GPR158: variants seen among roughly 807,000 people sequenced by gnomAD.
GPR158 encodes the protein G protein-coupled receptor 158.
In GPR158, 30 loss-of-function variants were observed where a neutral mutation model predicts 78.2. The observed-to-expected ratio is 0.38, with a 90% CI of 0.29 to 0.52. The LOEUF is 0.52. Ranked by LOEUF, GPR158 falls within the 20% of genes least tolerant of loss-of-function variation. The pLI, the probability that GPR158 is intolerant of heterozygous loss-of-function variation, is 0.83. For synonymous variants in GPR158, 581 were observed against 591.1 expected, an observed-to-expected ratio of 0.98 and a Z score of 0.25; for missense variants, 1,463 against 1,523.5, an observed-to-expected ratio of 0.96 and a Z score of 0.66.
At chr10:25,566,322 T>G (rs1406340632) in intron 6 of GPR158, among the ~76,000 whole-genome samples, 1 of 152,172 alleles carries the variant, frequency 6.6e-6, no homozygotes, top group Non-Finnish European at 1.5e-5. Flanking sequence ...GTGTTAGGAA[T>G]ATTTTAAGCA....
At chr10:25,272,485 C>T (rs1226224240) in intron 2 of GPR158, among the ~76,000 whole-genome samples, 2 of 152,106 alleles carry the variant, frequency 1.3e-5, no homozygotes, top group African/African-American at 2.4e-5. Context: ...TTTTTCTTTA[C>T]CTTTTCACAA....
At chr10:25,506,408 G>A (rs1223872180) in intron 5 of GPR158, among the ~76,000 whole-genome samples, 2 of 152,212 alleles carry the variant, frequency 1.3e-5, no homozygotes, top group African/African-American at 4.8e-5. Flanking sequence ...GTATCCATTG[G>A]TATAGTCCTA....
At chr10:25,504,090 C>CA (rs1163455434) in intron 5 of GPR158, among the ~76,000 whole-genome samples, 1 of 152,022 alleles carries the variant, frequency 6.6e-6, no homozygotes, top group Non-Finnish European at 1.5e-5. Flanking sequence ...AGGGTTTCGC[C>CA]ATATCAGCCA....
chr10:25,522,787 G>A (rs543590074), intron 5 of GPR158, among the ~76,000 whole-genome samples: 1 of 152,188 alleles, frequency 6.6e-6, no homozygotes, highest in East Asian at 1.9e-4. Flanking sequence ...GAAGACATGG[G>A]ACTGTGAAGG....
intron 5 of GPR158, among the ~76,000 whole-genome samples, chr10:25,481,268 C>T (rs956072240): frequency 6.6e-6 from 1 of 152,104 alleles, no homozygotes; most frequent in Non-Finnish European, 1.5e-5. Flanking sequence ...TTAAAGCAAG[C>T]AGGCATGCAT....
intron 5 of GPR158, among the ~76,000 whole-genome samples, chr10:25,521,319 C>G (rs560089429): frequency 2.0e-5 from 3 of 152,292 alleles, no homozygotes; most frequent in African/African-American, 4.8e-5. Flanking sequence ...AGAAATCACC[C>G]GTCTTCTGCG....
intron 6 of GPR158, among the ~76,000 whole-genome samples, chr10:25,553,556 A>G (rs1836752112): frequency 1.3e-5 from 2 of 152,190 alleles, no homozygotes; most frequent in South Asian, 4.1e-4. Context: ...AGAAATGTGA[A>G]CAACCTGAAG....
At chr10:25,284,833 A>C (rs1372247136) in intron 2 of GPR158, among the ~76,000 whole-genome samples, 1 of 152,072 alleles carries the variant, frequency 6.6e-6, no homozygotes, top group Non-Finnish European at 1.5e-5. Flanking sequence ...ATTTACTCAA[A>C]GTCTACCTTA....
At chr10:25,560,389 C>G (rs1320019249) in intron 6 of GPR158, among the ~76,000 whole-genome samples, 1 of 152,140 alleles carries the variant, frequency 6.6e-6, no homozygotes, top group Non-Finnish European at 1.5e-5. Context: ...CCTCAGCCTC[C>G]TGAGTAGCTG....
At chr10:25,235,354 G>T (rs1853505433) in intron 2 of GPR158, among the ~76,000 whole-genome samples, 1 of 148,986 alleles carries the variant, frequency 6.7e-6, no homozygotes. Flanking sequence ...GCTTTGATAT[G>T]CTTAGGAAAG....
intron 1 of GPR158, among the ~76,000 whole-genome samples, chr10:25,186,392 T>C (rs926805615): frequency 8.6e-5 from 13 of 151,470 alleles, no homozygotes; most frequent in African/African-American, 2.9e-4. Flanking sequence ...CTGAAGGAGA[T>C]AGAGACACAA....
chr10:25,209,093 T>C (rs903486077), intron 1 of GPR158, among the ~76,000 whole-genome samples: 5 of 152,156 alleles, frequency 3.3e-5, no homozygotes, highest in Non-Finnish European at 5.9e-5. Flanking sequence ...TGACCTCTGA[T>C]CCGCCCACCT....
At chr10:25,492,628 A>T (rs947601126) in intron 5 of GPR158, among the ~76,000 whole-genome samples, 1 of 152,042 alleles carries the variant, frequency 6.6e-6, no homozygotes, top group Non-Finnish European at 1.5e-5. Context: ...TGACTGTTAT[A>T]TCTGCATGTG....
chr10:25,376,819 G>T (rs559807264), intron 2 of GPR158, among the ~76,000 whole-genome samples: 1 of 151,540 alleles, frequency 6.6e-6, no homozygotes, highest in African/African-American at 2.4e-5. Flanking sequence ...CTAATTTATT[G>T]TCACCTTATT....
At chr10:25,255,284 A>G (rs1439348309) in intron 2 of GPR158, among the ~76,000 whole-genome samples, 1 of 152,204 alleles carries the variant, frequency 6.6e-6, no homozygotes, top group East Asian at 1.9e-4. Context: ...ATCACTAAGT[A>G]TTTTGGTGGA....
chr10:25,382,329 TCTG>T (rs1452009407), intron 2 of GPR158, among the ~76,000 whole-genome samples: 3 of 152,172 alleles, frequency 2.0e-5, no homozygotes, highest in African/African-American at 7.2e-5. Context: ...TTGTAATGTG[TCTG>T]AACCAGATGC....
intron 1 of GPR158, among the ~76,000 whole-genome samples, chr10:25,206,550 CAG>C (rs560987966): frequency 1.8e-4 from 27 of 152,210 alleles, no homozygotes; most frequent in Middle Eastern, 6.8e-3. Flanking sequence ...TCTTAATGCT[CAG>C]AGTTAATAAT....
intron 1 of GPR158, among the ~76,000 whole-genome samples, chr10:25,181,376 CT>C (rs1230971671): frequency 6.6e-6 from 1 of 152,228 alleles, no homozygotes; most frequent in African/African-American, 2.4e-5. Flanking sequence ...TAGCTTCTGT[CT>C]TCCCAAATAC....
chr10:25,225,615 T>C (rs1406679049), intron 2 of GPR158, among the ~76,000 whole-genome samples: 1 of 152,152 alleles, frequency 6.6e-6, no homozygotes, highest in African/African-American at 2.4e-5. Flanking sequence ...ACAGAAGTTC[T>C]AGTATTTTCT....
Sources: allele counts gnomAD v4.1 joint callset (sites outside exome capture counted in the v4.1 genomes callset), GRCh38; gene constraint gnomAD v4.1.1; transcripts MANE v1.5; gene names NCBI Gene and HGNC (gene_info 2026-07-23, HGNC 2026-07-21).